Variants in PRKACB observed in about 807,000 individuals in gnomAD.
PRKACB encodes protein kinase cAMP-activated catalytic subunit beta.
Under a neutral mutation model 51.4 loss-of-function variants are expected in PRKACB, and 16 were observed. The ratio of observed to expected loss-of-function variants is 0.31; its 90% CI spans 0.21 to 0.47. The LOEUF is 0.47. Ranked by LOEUF, PRKACB falls within the 20% of genes least tolerant of loss-of-function variation. The pLI is 1.00. For synonymous variants in PRKACB, 147 were observed against 154.4 expected (o/e 0.95, Z 0.35); for missense variants, 309 against 464.5 (o/e 0.67, Z 3.08).
chr1:84,082,392 C>T (rs2100740421), intron 1 of PRKACB, among the ~76,000 whole-genome samples: 1 of 152,180 alleles, frequency 6.6e-6, no homozygotes, highest in African/African-American at 2.4e-5. Context: ...GTACCATTCT[C>T]TGGATTTTTA....
chr1:84,087,297 C>T (rs936604446), intron 1 of PRKACB, among the ~76,000 whole-genome samples: 1 of 152,142 alleles, frequency 6.6e-6, no homozygotes, highest in African/African-American at 2.4e-5. Context: ...AATCAAGTGG[C>T]ATAGACAGAA....
At chr1:84,158,132 G>A (rs554634992) in intron 1 of PRKACB, among the ~76,000 whole-genome samples, 1 of 151,584 alleles carries the variant, frequency 6.6e-6, no homozygotes, top group Admixed American at 6.6e-5. Flanking sequence ...CTGGAGTGCA[G>A]TGGCGCAAGT....
intron 8 of PRKACB, among the ~76,000 whole-genome samples, chr1:84,210,429 C>A (rs958079620): frequency 6.6e-6 from 1 of 152,126 alleles, no homozygotes; most frequent in East Asian, 1.9e-4. Context: ...TGACTCTTTA[C>A]ATTTACTTTC....
At chr1:84,141,818 T>C (rs1431485390), upstream of PRKACB, among the ~76,000 whole-genome samples, 1 of 152,118 alleles carries the variant, frequency 6.6e-6, no homozygotes, top group Admixed American at 6.5e-5. Flanking sequence ...TGTAATACTT[T>C]GGGGAGGTTA....
intron 8 of PRKACB, chr1:84,205,279 A>G: frequency 1.0e-6 from 1 of 980,800 alleles, no homozygotes; most frequent in Non-Finnish European, 1.2e-6. Flanking sequence ...CCAATAAATC[A>G]TCTGTTTCAA....
chr1:84,228,931 T>C (rs937084665), intron 9 of PRKACB, among the ~76,000 whole-genome samples: 8 of 148,692 alleles, frequency 5.4e-5, no homozygotes, highest in East Asian at 2.0e-4. Flanking sequence ...AGAAATTTCT[T>C]TTTTTTTTTA....
intron 1 of PRKACB, among the ~76,000 whole-genome samples, chr1:84,161,786 A>G (rs1057512653): frequency 6.6e-6 from 1 of 151,928 alleles, no homozygotes; most frequent in Non-Finnish European, 1.5e-5. Flanking sequence ...TATATATTTT[A>G]TAAACCCAGC....
intron 9 of PRKACB, among the ~76,000 whole-genome samples, chr1:84,231,658 A>G (rs1399344333): frequency 1.3e-5 from 2 of 152,270 alleles, no homozygotes; most frequent in East Asian, 3.9e-4. Context: ...CAGAGAGTGT[A>G]TGTGTCGAGG....
chr1:84,118,773 TATA>T (rs1371003256), intron 1 of PRKACB, among the ~76,000 whole-genome samples: 5 of 152,112 alleles, frequency 3.3e-5, no homozygotes, highest in Non-Finnish European at 2.9e-5. Context: ...AAGGATCACT[TATA>T]ATAATATTTA....
At chr1:84,230,122 A>G (rs1009259248) in intron 9 of PRKACB, among the ~76,000 whole-genome samples, 1 of 152,002 alleles carries the variant, frequency 6.6e-6, no homozygotes, top group African/African-American at 2.4e-5. Flanking sequence ...AGGTGTAAGG[A>G]AGGGATCCAG....
At chr1:84,125,155 A>T (rs1306206355) in intron 1 of PRKACB, among the ~76,000 whole-genome samples, 2 of 152,152 alleles carry the variant, frequency 1.3e-5, no homozygotes, top group African/African-American at 4.8e-5. Context: ...TTCCAAGCTG[A>T]TCCATACTTC....
intron 1 of PRKACB, among the ~76,000 whole-genome samples, chr1:84,105,970 A>G (rs1649708444): frequency 7.1e-6 from 1 of 141,408 alleles, no homozygotes; most frequent in Non-Finnish European, 1.6e-5. Flanking sequence ...TGTTGAATCA[A>G]CAAAACAATA....
chr1:84,107,481 C>T (rs1649848209), intron 1 of PRKACB, among the ~76,000 whole-genome samples: 1 of 152,040 alleles, frequency 6.6e-6, no homozygotes, highest in African/African-American at 2.4e-5. Context: ...CAAAAGTTGA[C>T]AGATGGGACC....
chr1:84,114,532 T>C (rs558843887), intron 1 of PRKACB, among the ~76,000 whole-genome samples: 96 of 152,262 alleles, frequency 6.3e-4, no homozygotes, highest in African/African-American at 2.1e-3. Flanking sequence ...TTTATAGTGA[T>C]GAAGTTAGGG....
At chr1:84,098,791 A>G (rs1248139038) in intron 1 of PRKACB, among the ~76,000 whole-genome samples, 1 of 152,116 alleles carries the variant, frequency 6.6e-6, no homozygotes, top group East Asian at 1.9e-4. Flanking sequence ...AAGTATAGAC[A>G]AAACGAGAGA....
At chr1:84,191,010 C>G (rs1223180645) in intron 5 of PRKACB, among the ~76,000 whole-genome samples, 1 of 151,998 alleles carries the variant, frequency 6.6e-6, no homozygotes, top group Non-Finnish European at 1.5e-5. Context: ...GTCATTTAGA[C>G]CATTTACATT....
intron 1 of PRKACB, chr1:84,164,353 G>T: frequency 6.4e-7 from 1 of 1,553,842 alleles, no homozygotes; most frequent in Non-Finnish European, 8.7e-7. Flanking sequence ...GTAAGAGCTG[G>T]TGTAATTGAA....
intron 1 of PRKACB, among the ~76,000 whole-genome samples, chr1:84,154,760 T>C (rs943960147): frequency 2.0e-5 from 3 of 152,120 alleles, no homozygotes; most frequent in Non-Finnish European, 4.4e-5. Context: ...TGTGATACAC[T>C]ATTAACAGAA....
chr1:84,108,618 TA>T (rs1229384870), intron 1 of PRKACB, among the ~76,000 whole-genome samples: 2 of 152,018 alleles, frequency 1.3e-5, no homozygotes, highest in African/African-American at 2.4e-5. Context: ...GACCCTCCAA[TA>T]AGGAGTGTAC....
Sources: gnomAD v4.1 joint callset for allele counts (sites outside exome capture counted in the v4.1 genomes callset) on GRCh38, gnomAD v4.1.1 for gene constraint, MANE v1.5 for transcripts, NCBI Gene and HGNC (gene_info 2026-07-23, HGNC 2026-07-21) for gene names.